The following OPTC variants were observed in gnomAD, a reference collection of about 807,000 sequenced individuals.
OPTC encodes the protein opticin.
OPTC carries 22 observed loss-of-function variants against 25.4 expected under a neutral mutation model. The ratio of observed to expected loss-of-function variants is 0.87; its 90% CI spans 0.62 to 1.24. The LOEUF (loss-of-function observed/expected upper bound fraction) is 1.24, where lower values mean the gene tolerates loss of function less well. OPTC is among the 50% of genes most tolerant of loss of function. The probability of loss-of-function intolerance (pLI) is 0.00; values close to 1 mark genes in which losing one functional copy is unlikely to be tolerated. For missense variants in OPTC, 417 were observed against 425.2 expected (o/e 0.98, Z 0.17); for synonymous variants, 169 against 179.3 (o/e 0.94, Z 0.46).
rs563473070 is a variant in OPTC, at chr1:203,499,745, C to T, written c.626C>T (p.Pro209Leu). Reference sequence around the variant, plus strand: ...CATGCCCTCCAGGACCTCATCCTCCCAGAGAACCAGTTGGAAGCTCTGCCC... The same window carrying T: ...CATGCCCTCCAGGACCTCATCCTCCTAGAGAACCAGTTGGAAGCTCTGCCC... ...LLHALQDLIL[P>L]ENQLEALPVL... The change falls in exon 5 of 8, where the codon CCA becomes CTA. Residue 209 changes from proline to leucine, a missense_variant. Physicochemically the swap from Pro to Leu is moderately conservative, Grantham distance 98 (BLOSUM62 -3). Coordinates refer to ENST00000367222, the MANE Select transcript of OPTC (RefSeq NM_014359.4). 6.8e-6 allele frequency: 11 copies of T among 1,613,226 alleles called. No homozygotes were observed. The highest frequency in any genetic ancestry group is 9.3e-6 in the Non-Finnish European group (11 of 1,179,942).
chr1:203,494,498 G>C (rs1025587269), intron 1 of OPTC, among the ~76,000 whole-genome samples: 4 of 152,008 alleles, frequency 2.6e-5, no homozygotes, highest in Non-Finnish European at 5.9e-5. Flanking sequence ...AGGGTGGGGA[G>C]GTTAACTGGG....
At chr1:203,498,878 A>G (rs761008295) in intron 4 of OPTC, 39 bp downstream of exon 4, 1 of 1,608,584 alleles carries the variant, frequency 6.2e-7, no homozygotes, top group Non-Finnish European at 8.5e-7. Flanking sequence ...GGGGGCAGGC[A>G]TATGCAGCCA....
At chr1:203,506,403 G>A (rs1031655462) in intron 7 of OPTC, among the ~76,000 whole-genome samples, 4 of 151,644 alleles carry the variant, frequency 2.6e-5, no homozygotes, top group Admixed American at 6.6e-5. Context: ...TGCCCGCCTC[G>A]GCCTCCCGAA....
intron 2 of OPTC, 25 bp from the exon 3 acceptor site, chr1:203,496,952 T>G: frequency 6.2e-7 from 1 of 1,614,056 alleles, no homozygotes; most frequent in Non-Finnish European, 8.5e-7. Context: ...GCTGGGCTAC[T>G]GTGTACTCTG....
Position 203,502,205 on chromosome 1 carries a change from T to G in OPTC, c.733-709T>G, listed in dbSNP as rs116105158. On this transcript the variant is annotated intron_variant, in intron 5 of 7. Transcript: ENST00000367222. ...TGAGCCCTGCTGAAGGCTTGTCTCT[T>G]CCCAAACGCTTCTCTGATTAACACT... Among the ~76,000 whole-genome samples the G allele has an allele frequency of 7.1e-3, 1,083 of 152,282 alleles. 11 individuals carry two copies. The highest frequency in any genetic ancestry group is 0.025 in the African/African-American group (1,046 of 41,556).
intron 1 of OPTC, among the ~76,000 whole-genome samples, 178 bp downstream of exon 1, chr1:203,494,395 T>C (rs891494141): frequency 6.6e-6 from 1 of 152,202 alleles, no homozygotes; most frequent in Non-Finnish European, 1.5e-5. Flanking sequence ...TGAGATTATG[T>C]AATTCGTTTG....
intron 7 of OPTC, 135 bp downstream of exon 7, chr1:203,503,880 G>T: frequency 2.6e-6 from 2 of 762,808 alleles, no homozygotes; most frequent in Non-Finnish European, 4.5e-6. Flanking sequence ...ACATGCACAC[G>T]CATGCATACA....
intron 7 of OPTC, among the ~76,000 whole-genome samples, chr1:203,508,366 T>G (rs150348397): frequency 6.6e-6 from 1 of 152,292 alleles, no homozygotes; most frequent in Non-Finnish European, 1.5e-5. Context: ...GCCTGTATCC[T>G]TAGGAAGCAC....
At position 203,498,708 on chromosome 1, in the gene OPTC, G is replaced by A. The variant is rs544577306; in HGVS notation, c.398G>A (p.Cys133Tyr). 15 of 1,614,212 alleles carry A rather than the reference G, an allele frequency of 9.3e-6. No homozygotes were observed. In the South Asian group the frequency reaches 1.1e-4, roughly 12 times the overall value. Reference protein sequence around the residue: ...HGLPTCLVCVCLGSSVYCDDI... With the variant: ...HGLPTCLVCVYLGSSVYCDDI... ...CTGCCCACCTGCCTGGTCTGCGTGT[G>A]CCTCGGTTCCTCTGTGTATTGCGAT... is the stretch of plus-strand genomic sequence containing the variant. The change falls in exon 4 of 8, where the codon TGC becomes TAC. Residue 133 changes from cysteine to tyrosine, a missense_variant. By Grantham distance (194) the Cys-to-Tyr change is radical. Transcript: ENST00000367222.
At chr1:203,504,801 T>A (rs750683785) in intron 7 of OPTC, among the ~76,000 whole-genome samples, 15 of 152,244 alleles carry the variant, frequency 9.9e-5, no homozygotes, top group African/African-American at 1.4e-4. Context: ...GCTGGGCTGG[T>A]TCCTGGCTAC....
At chr1:203,506,816 T>A (rs755761963) in intron 7 of OPTC, among the ~76,000 whole-genome samples, 3 of 152,178 alleles carry the variant, frequency 2.0e-5, no homozygotes, top group African/African-American at 7.2e-5. Context: ...CCGGGGTCCA[T>A]CCAGCCAGAG....
chr1:203,495,767 G>A (rs1053780561), intron 1 of OPTC, among the ~76,000 whole-genome samples, 198 bp from the exon 2 acceptor site: 3 of 152,170 alleles, frequency 2.0e-5, no homozygotes, highest in African/African-American at 7.2e-5. Context: ...ACACTCAAGT[G>A]GGGCGGTGGA....
chr1:203,503,078 G>A (rs1164019364), intron 6 of OPTC, 69 bp downstream of exon 6: 1 of 1,275,278 alleles, frequency 7.8e-7, no homozygotes, highest in South Asian at 1.2e-5. Context: ...CCAGGAGCAG[G>A]TCGTGGCAGA....
Position 203,497,058 on chromosome 1 carries a change from C to A in OPTC, c.313C>A (p.Pro105Thr). The A allele has an allele frequency of 6.2e-7, 1 of 1,614,092 alleles. No individual in the cohort carries two copies. The highest frequency in any genetic ancestry group is 8.5e-7 in the Non-Finnish European group (1 of 1,180,014). Residue 105 changes from proline (P) to threonine (T), a missense_variant, in exon 3 of 8, where the codon CCC (proline) becomes ACC (threonine). Coordinates refer to ENST00000367222, the MANE Select transcript of OPTC (RefSeq NM_014359.4). ...TTAPGTPSSN[P>T]TMTRPTTAGL... ...GGCTCCAGGGACACCCTCGTCAAAC[C>A]CCACGATGACCAGACCTACTACAGC...
intron 1 of OPTC, among the ~76,000 whole-genome samples, chr1:203,494,806 C>T (rs1661252322): frequency 6.6e-6 from 1 of 152,094 alleles, no homozygotes; most frequent in African/African-American, 2.4e-5. Context: ...GATACAAAAC[C>T]ACACCACATG....
Position 203,496,963 on chromosome 1 carries a change from T to C in OPTC, c.232-14T>C. The stretch of plus-strand genomic sequence containing the variant: ...AAAAGCTGGGCTACTGTGTACTCTG[T>C]GCTACATCTCCAGGTTAAGGTGACT... On this transcript the variant is annotated splice_polypyrimidine_tract_variant and intron_variant, in intron 2 of 7. Coordinates refer to ENST00000367222, the MANE Select transcript of OPTC (RefSeq NM_014359.4). 1 of 1,614,060 alleles carries C rather than the reference T, an allele frequency of 6.2e-7. No homozygotes were observed. Among genetic ancestry groups the C allele is most frequent in the Non-Finnish European group, 8.5e-7 (1 of 1,179,998 alleles).
At chr1:203,500,469 C>CACCCACCTGCACT (rs1158420806) in intron 5 of OPTC, among the ~76,000 whole-genome samples, 1 of 149,920 alleles carries the variant, frequency 6.7e-6, no homozygotes, top group Admixed American at 6.7e-5. Context: ...CCACCACCAC[C>CACCCACCTGCACT]ACCCACCTGC....
intron 4 of OPTC, 93 bp downstream of exon 4, chr1:203,498,932 G>C: frequency 7.2e-7 from 1 of 1,395,826 alleles, no homozygotes; most frequent in Non-Finnish European, 1.0e-6. Flanking sequence ...AGTGCCCCCC[G>C]TGTTAGCTCT....
chr1:203,494,991 G>A (rs1467693757), intron 1 of OPTC, among the ~76,000 whole-genome samples: 1 of 152,162 alleles, frequency 6.6e-6, no homozygotes, highest in East Asian at 1.9e-4. Context: ...TCTTTTATCT[G>A]TAATAATCTG....
Sources: gnomAD v4.1 joint callset for allele counts (sites outside exome capture counted in the v4.1 genomes callset) on GRCh38, gnomAD v4.1.1 for gene constraint, MANE v1.5 for transcripts, NCBI Gene and HGNC (gene_info 2026-07-23, HGNC 2026-07-21) for gene names.